ADGRB2: variants seen among roughly 807,000 people sequenced by gnomAD.
ADGRB2 encodes the protein brain-specific angiogenesis inhibitor 2.
Under a neutral mutation model 178.7 loss-of-function variants are expected in ADGRB2, and 47 were observed. The observed-to-expected ratio is 0.26, with a 90% CI of 0.21 to 0.34. ADGRB2 has a LOEUF of 0.34. Among genes scored for constraint, ADGRB2 ranks in the 10% least tolerant of loss-of-function variants. The pLI, the probability that ADGRB2 is intolerant of heterozygous loss-of-function variation, is 1.00. For synonymous variants in ADGRB2, 870 were observed against 912.4 expected (o/e 0.95, Z 0.84); for missense variants, 1,584 against 2,180.8 (o/e 0.73, Z 5.45).
chr1:31,737,643 C>G lies in ADGRB2; in HGVS notation c.2876+9G>C, dbSNP rs1179863783. 2 of 1,613,518 alleles carry G rather than the reference C, an allele frequency of 1.2e-6. No homozygotes were observed. The highest frequency in any genetic ancestry group is 1.7e-6 in the Non-Finnish European group (2 of 1,179,724). On this transcript the variant is annotated intron_variant, in intron 19 of 32. Coordinates refer to ENST00000373658, the MANE Select transcript of ADGRB2 (RefSeq NM_001364857.2). ...TCCCCCAGCCACAAGAGCCAGGTGT[C>G]AGACCTACCTCCAAAAGGCGGCATA...
rs370554451 is a variant in ADGRB2 at position 31,741,867 on chromosome 1, G to A, written c.1518C>T (p.Gly506=). Residue 506 remains glycine (G), a synonymous_variant, in exon 9 of 33, where the codon GGC becomes GGT. Coordinates refer to ENST00000373658, the MANE Select transcript of ADGRB2 (RefSeq NM_001364857.2). The surrounding 1 kb of genome is among the most constrained non-coding windows in gnomAD (Gnocchi z 6.5). ...TGCCCTCGCAGGGGTAGCCCTGCGT[G>A]CCCGTGGCCTGGCACATGCGGAAGC... ...QRRFRMCQAT[G]TQGYPCEGTG... 3 of 1,610,808 alleles carry A rather than the reference G, an allele frequency of 1.9e-6. No individual in the cohort carries two copies. The highest frequency in any genetic ancestry group is 2.5e-6 in the Non-Finnish European group (3 of 1,177,678).
In ADGRB2 at chr1:31,745,469, A is replaced by G. The variant is rs528164344; in HGVS notation, c.839-738T>C. 3.9e-5 allele frequency among the ~76,000 whole-genome samples: 6 copies of G among 152,266 alleles called. No homozygotes were observed. In the South Asian group the frequency reaches 1.0e-3, roughly 26 times the overall value. ...ACCAGGCTCTCAGCTGCCCTGATTT[A>G]TGTGTCTGGGCTAGGCCTTGGAAGC... On this transcript the variant is annotated intron_variant, in intron 4 of 32. Transcript: ENST00000373658.
At position 31,753,598 on chromosome 1, in the gene ADGRB2, G is replaced by A. The variant is rs1189987511; in HGVS notation, c.838+2401C>T. Among the ~76,000 whole-genome samples, 1 of 152,162 alleles carries A rather than the reference G, an allele frequency of 6.6e-6. No homozygotes were observed. The highest frequency in any genetic ancestry group is 1.5e-5 in the Non-Finnish European group (1 of 68,006). On this transcript the variant is annotated intron_variant, in intron 4 of 32. Coordinates refer to ENST00000373658, the MANE Select transcript of ADGRB2 (RefSeq NM_001364857.2). This position sits in a 1 kb window ranked among gnomAD's most constrained non-coding sequence, Gnocchi z 4.1. Reference sequence around the variant, plus strand: ...CCTTCCTGCTCACTACCATCCCCACGAATCTTGCTCTCAGTCTGGCAGCTG... The same window carrying A: ...CCTTCCTGCTCACTACCATCCCCACAAATCTTGCTCTCAGTCTGGCAGCTG...
chr1:31,759,221 TCACA>T lies in ADGRB2; in HGVS notation c.-190-1714_-190-1711del. On this transcript the variant is annotated intron_variant, in intron 1 of 32. Coordinates refer to ENST00000373658, the MANE Select transcript of ADGRB2 (RefSeq NM_001364857.2). This position sits in a 1 kb window ranked among gnomAD's most constrained non-coding sequence, Gnocchi z 4.3. ...AGGTGAAACCCACAGATTCATGCTGTCACACACACTCAGGAGTTAACACGCACAC... is the reference window on the plus strand; with the variant it reads ...AGGTGAAACCCACAGATTCATGCTGTCACACTCAGGAGTTAACACGCACAC... The T allele has an allele frequency of 2.6e-6, 2 of 759,382 alleles. No homozygotes were observed. Among genetic ancestry groups the T allele is most frequent in the Non-Finnish European group, 5.0e-6 (2 of 403,998 alleles). 47.0% of individuals were successfully genotyped at this position (759,382 alleles called of 1,614,324 possible).
rs1255447106 is a variant in ADGRB2, at chr1:31,754,712, C to A, written c.838+1287G>T. Among the ~76,000 whole-genome samples the A allele has an allele frequency of 6.6e-6, 1 of 152,210 alleles. No individual in the cohort carries two copies. Among genetic ancestry groups the A allele is most frequent in the Non-Finnish European group, 1.5e-5 (1 of 68,038 alleles). On this transcript the variant is annotated intron_variant, in intron 4 of 32. Coordinates refer to ENST00000373658, the MANE Select transcript of ADGRB2 (RefSeq NM_001364857.2). This position sits in a 1 kb window ranked among gnomAD's most constrained non-coding sequence, Gnocchi z 5.7. ...TCATTGGAGAAGCCAAGAAGGCCCC[C>A]ATCGAAAGTACTGGGTTAGGCTACT...
chr1:31,758,424 G>C lies in ADGRB2; in HGVS notation c.-190-913C>G, dbSNP rs1200558581. ...TCTGGGGACTGAATCAGAAACACAGGACAATTCACAGGTATGACTAGATTC... is the reference window on the plus strand; with the variant it reads ...TCTGGGGACTGAATCAGAAACACAGCACAATTCACAGGTATGACTAGATTC... On this transcript the variant is annotated intron_variant, in intron 1 of 32. Coordinates refer to ENST00000373658, the MANE Select transcript of ADGRB2 (RefSeq NM_001364857.2). The surrounding 1 kb of genome is among the most constrained non-coding windows in gnomAD (Gnocchi z 4.2). Among the ~76,000 whole-genome samples the C allele has an allele frequency of 6.6e-6, 1 of 152,176 alleles. No homozygotes were observed. Among genetic ancestry groups the C allele is most frequent in the East Asian group, 1.9e-4 (1 of 5,198 alleles).
intron 19 of ADGRB2, 28 bp downstream of exon 19, chr1:31,737,624 A>G (rs1645690944): frequency 6.2e-7 from 1 of 1,612,586 alleles, no homozygotes; most frequent in Admixed American, 1.7e-5. Flanking sequence ...CCCCTCCCCC[A>G]GCCACAAGAG....
intron 18 of ADGRB2, 81 bp from the exon 19 acceptor site, chr1:31,737,836 G>T: frequency 7.8e-7 from 1 of 1,289,090 alleles, no homozygotes; most frequent in Non-Finnish European, 1.1e-6. Context: ...ATCTACCATA[G>T]ACTGGCATAC....
Position 31,735,143 on chromosome 1 carries a change from C to T in ADGRB2, c.3452+40G>A. The T allele has an allele frequency of 6.6e-6, 4 of 610,212 alleles. No homozygotes were observed. The highest frequency in any genetic ancestry group is 1.0e-5 in the Non-Finnish European group (4 of 397,184). 37.8% of individuals were successfully genotyped at this position (610,212 alleles called of 1,614,324 possible). On this transcript the variant is annotated intron_variant, in intron 25 of 32. Coordinates refer to ENST00000373658, the MANE Select transcript of ADGRB2 (RefSeq NM_001364857.2). This position sits in a 1 kb window ranked among gnomAD's most constrained non-coding sequence, Gnocchi z 6.0. ...GGCACTGCCCCCCCCAATTCCTTTG[C>T]CCCACCCACCCCCACCGCCCCCCAG...
chr1:31,727,969 G>A lies in ADGRB2; in HGVS notation c.4572+56C>T, dbSNP rs1645072398. Reference sequence around the variant, plus strand: ...GTTGCCTGGGAGGGGCAGGAGGGCAGGGAGGGCACGGGTCCCTCAGGCCCA... The same window carrying A: ...GTTGCCTGGGAGGGGCAGGAGGGCAAGGAGGGCACGGGTCCCTCAGGCCCA... On this transcript the variant is annotated intron_variant, in intron 32 of 32. Transcript: ENST00000373658. This position sits in a 1 kb window ranked among gnomAD's most constrained non-coding sequence, Gnocchi z 4.4. 1.3e-6 allele frequency: 2 copies of A among 1,508,006 alleles called. No individual in the cohort carries two copies. The highest frequency in any genetic ancestry group is 1.8e-6 in the Non-Finnish European group (2 of 1,128,356). 93.4% of individuals were successfully genotyped at this position (1,508,006 alleles called of 1,614,324 possible). A position where few individuals can be genotyped will look rare whatever the true frequency, so the allele number is the denominator to read the frequency against.
Position 31,757,257 on chromosome 1 carries a change from C to T in ADGRB2, c.-36G>A. 6.2e-7 allele frequency: 1 copy of T among 1,613,766 alleles called. No individual in the cohort carries two copies. The highest frequency in any genetic ancestry group is 8.5e-7 in the Non-Finnish European group (1 of 1,179,644). The stretch of plus-strand genomic sequence containing the variant: ...CTCCATCCCCGTGTGTCGTGATCAG[C>T]TGTGAGGCATGTCACCGCGTAATCC... On this transcript the variant is annotated 5_prime_UTR_variant, in exon 3 of 33. Coordinates refer to ENST00000373658, the MANE Select transcript of ADGRB2 (RefSeq NM_001364857.2).
At chr1:31,734,948 C>T (rs530378351) in intron 25 of ADGRB2, among the ~76,000 whole-genome samples, 2 of 152,050 alleles carry the variant, frequency 1.3e-5, no homozygotes, top group South Asian at 2.1e-4. Context: ...AGGGCAGGGG[C>T]GGGATCCAAG....
In ADGRB2 at chr1:31,735,522, G is replaced by C. The variant is rs777091382; in HGVS notation, c.3353+58C>G. Reference sequence around the variant, plus strand: ...GCCCTGAGTCTCCAAGAGCACCCATGTCCCTCCCTCCCTGCACCATTTCCA... The same window carrying C: ...GCCCTGAGTCTCCAAGAGCACCCATCTCCCTCCCTCCCTGCACCATTTCCA... On this transcript the variant is annotated intron_variant, in intron 24 of 32. Transcript: ENST00000373658. This position sits in a 1 kb window ranked among gnomAD's most constrained non-coding sequence, Gnocchi z 6.0. 3.8e-6 allele frequency: 6 copies of C among 1,574,970 alleles called. No individual in the cohort carries two copies. The African/African-American group carries it at 8.1e-5, about 21-fold the overall frequency.
intron 27 of ADGRB2, 82 bp downstream of exon 27, chr1:31,732,435 G>A: frequency 2.0e-6 from 3 of 1,488,288 alleles, no homozygotes; most frequent in Non-Finnish European, 1.9e-6. Context: ...CATGGATGGG[G>A]AAGGTAAATG....
chr1:31,756,730 G>A lies in ADGRB2; in HGVS notation c.107C>T (p.Ala36Val). The A allele has an allele frequency of 1.3e-6, 2 of 1,585,260 alleles. No homozygotes were observed. Residue 36 changes from alanine to valine, a missense_variant, in exon 4 of 33, where the codon GCC (alanine) becomes GTC (valine). This residue lies in a region of ADGRB2 where 657 missense variants were observed against 847.6 expected (regional missense o/e 0.78). Transcript: ENST00000373658. This position sits in a 1 kb window ranked among gnomAD's most constrained non-coding sequence, Gnocchi z 8.5. ...GGCCAGGGCAGAGCAGGCACTGGGG[G>A]CGGGGTCGAAGGCGGTGGCCAGGCG... Reference protein sequence around the residue: ...SLRLATAFDPAPSACSALASG... With the variant: ...SLRLATAFDPVPSACSALASG...
rs116931946 is a variant in ADGRB2, at chr1:31,746,411, G to A, written c.839-1680C>T. ...CACAGAGGAGGTGGCAGGGCCAGGC[G>A]TGCCAGCTCCTCGATCCCCTCCCCC... On this transcript the variant is annotated intron_variant, in intron 4 of 32. Transcript: ENST00000373658. Among the ~76,000 whole-genome samples the A allele has an allele frequency of 4.5e-3, 679 of 152,176 alleles. 7 individuals are homozygous for A. Among genetic ancestry groups the A allele is most frequent in the East Asian group, 0.035 (179 of 5,162 alleles).
rs186799729 is a variant in ADGRB2 at position 31,744,475 on chromosome 1, C to A, written c.923-118G>T. The A allele has an allele frequency of 2.8e-4, 416 of 1,461,814 alleles. No individual in the cohort carries two copies. The highest frequency in any genetic ancestry group is 3.7e-4 in the Non-Finnish European group (398 of 1,080,820). 90.6% of individuals were successfully genotyped at this position (1,461,814 alleles called of 1,614,324 possible). A position where few individuals can be genotyped will look rare whatever the true frequency, so the allele number is the denominator to read the frequency against. ...CATCAGAGGGCTCCTCCTACCCTGA[C>A]CCCAAGTAACAGGCTCTTCAGGAGG... On this transcript the variant is annotated intron_variant, in intron 5 of 32. Coordinates refer to ENST00000373658, the MANE Select transcript of ADGRB2 (RefSeq NM_001364857.2). This position sits in a 1 kb window ranked among gnomAD's most constrained non-coding sequence, Gnocchi z 6.7.
chr1:31,742,297 C>G, intron 7 of ADGRB2, 80 bp from the exon 8 acceptor site: 3 of 1,511,362 alleles, frequency 2.0e-6, no homozygotes, highest in Non-Finnish European at 2.7e-6. Flanking sequence ...ACAGGAAGAC[C>G]CAGAGCCTGC....
chr1:31,739,152 T>G, intron 15 of ADGRB2, 156 bp downstream of exon 15: 1 of 949,700 alleles, frequency 1.1e-6, no homozygotes, highest in Non-Finnish European at 1.5e-6. Flanking sequence ...TATGGATAAA[T>G]TTGAGAAGCA....
Sources: gnomAD v4.1 joint callset for allele counts (sites outside exome capture counted in the v4.1 genomes callset) on GRCh38, gnomAD v4.1.1 for gene constraint, gnomAD v4.1.1 regional missense constraint, Gnocchi (gnomAD v3.1) non-coding constraint, MANE v1.5 for transcripts, NCBI Gene and HGNC (gene_info 2026-07-23, HGNC 2026-07-21) for gene names.